ALMS1: variants seen among roughly 807,000 people sequenced by gnomAD.
ALMS1 encodes ALMS1 centrosome and basal body associated protein.
A neutral mutation model predicts 352.2 loss-of-function variants in ALMS1; 271 were observed. The ratio of observed to expected loss-of-function variants is 0.77; its 90% CI spans 0.70 to 0.85. ALMS1 has a LOEUF of 0.85. Among genes scored for constraint, ALMS1 ranks in the 40% least tolerant of loss-of-function variants. ALMS1 has a pLI of 0.00. For missense variants in ALMS1, 5,445 were observed against 4,870.7 expected (o/e 1.12, Z -3.51); for synonymous variants, 1,865 against 1,761.2 (o/e 1.06, Z -1.48).
Position 73,601,261 on chromosome 2 carries a change from C to G in ALMS1, c.11939C>G (p.Thr3980Ser), listed in dbSNP as rs200568988. Residue 3980 changes from threonine (T) to serine (S), a missense_variant, in exon 19 of 23, where the codon ACT (threonine) becomes AGT (serine). Physicochemically the swap from Thr to Ser is moderately conservative, Grantham distance 58. Transcript: ENST00000613296. ...TCAAAGAAGGAAAACGTGCCTAACA[C>G]TTGTGGCCCTGGCATCTCCTGGTTT... The part of the protein sequence containing the change: ...SRSKKENVPN[T>S]CGPGISWFEP... 6.2e-7 allele frequency: 1 copy of G among 1,614,112 alleles called. No homozygotes were observed. The highest frequency in any genetic ancestry group is 1.3e-5 in the African/African-American group (1 of 74,932).
chr2:73,585,401 T>G (rs917027865), intron 16 of ALMS1, among the ~76,000 whole-genome samples: 6 of 150,038 alleles, frequency 4.0e-5, no homozygotes, highest in African/African-American at 9.8e-5. Flanking sequence ...GCTTTTTTTT[T>G]TTTTTTTTTT....
At chr2:73,564,750 C>T (rs1271588927) in intron 15 of ALMS1, among the ~76,000 whole-genome samples, 1 of 152,044 alleles carries the variant, frequency 6.6e-6, no homozygotes, top group African/African-American at 2.4e-5. Flanking sequence ...AAGTAGGCCT[C>T]CAGTGGGCTA....
At chr2:73,435,689 T>C (rs1250459586) in intron 7 of ALMS1, among the ~76,000 whole-genome samples, 1 of 152,032 alleles carries the variant, frequency 6.6e-6, no homozygotes, top group Non-Finnish European at 1.5e-5. Flanking sequence ...TAACCTGAGC[T>C]CAAGTGATCC....
intron 15 of ALMS1, among the ~76,000 whole-genome samples, chr2:73,566,115 TGTC>T (rs924204908): frequency 6.6e-6 from 1 of 152,192 alleles, no homozygotes; most frequent in Non-Finnish European, 1.5e-5. Flanking sequence ...TCTGTACTGT[TGTC>T]ACCGTTTTTC....
intron 5 of ALMS1, among the ~76,000 whole-genome samples, chr2:73,425,898 T>C (rs532800218): frequency 4.6e-5 from 7 of 152,360 alleles, no homozygotes; most frequent in African/African-American, 1.7e-4. Context: ...AAATGTTCAT[T>C]AAGCCACTTT....
At position 73,519,760 on chromosome 2, in the gene ALMS1, C is replaced by G. The variant is rs780375594; in HGVS notation, c.9540-15C>G. 2 of 1,613,754 alleles carry G rather than the reference C, an allele frequency of 1.2e-6. No individual in the cohort carries two copies. Among genetic ancestry groups the G allele is most frequent in the Admixed American group, 1.7e-5 (1 of 59,972 alleles). On this transcript the variant is annotated splice_polypyrimidine_tract_variant and intron_variant, in intron 10 of 22. Coordinates refer to ENST00000613296, the MANE Select transcript of ALMS1 (RefSeq NM_001378454.1). ...AAGGATATAATCTGCTGTATTCTTT[C>G]TCTTTTTTGGTCAGATTACCAGAGA... is the stretch of plus-strand genomic sequence containing the variant.
Position 73,450,947 on chromosome 2 carries a change from C to T in ALMS1, c.4420C>T (p.Pro1474Ser). ...QTIGTPTVTS[P>S]SSSFGEKPIV... Reference sequence around the variant, plus strand: ...GATTGGCACACCAACTGTAACCTCCCCTTCCAGCTCATTTGGAGAGAAGCC... The same window carrying T: ...GATTGGCACACCAACTGTAACCTCCTCTTCCAGCTCATTTGGAGAGAAGCC... Residue 1474 changes from proline (P) to serine (S), a missense_variant, in exon 8 of 23, where the codon CCT (proline) becomes TCT (serine). Coordinates refer to ENST00000613296, the MANE Select transcript of ALMS1 (RefSeq NM_001378454.1). 5.0e-6 allele frequency: 8 copies of T among 1,613,460 alleles called. No individual in the cohort carries two copies. Among genetic ancestry groups the T allele is most frequent in the Non-Finnish European group, 6.8e-6 (8 of 1,179,794 alleles).
intron 1 of ALMS1, among the ~76,000 whole-genome samples, chr2:73,396,258 T>A (rs1281139925): frequency 6.6e-6 from 1 of 152,000 alleles, no homozygotes; most frequent in Non-Finnish European, 1.5e-5. Flanking sequence ...AATAACTCAC[T>A]TTGTCACAGT....
chr2:73,393,107 C>T (rs757949350), intron 1 of ALMS1, among the ~76,000 whole-genome samples: 2 of 152,136 alleles, frequency 1.3e-5, no homozygotes, highest in Non-Finnish European at 1.5e-5. Context: ...CTATTCAGGT[C>T]AAACTTTTGC....
chr2:73,409,342 G>A (rs956311968), intron 2 of ALMS1, among the ~76,000 whole-genome samples: 3 of 151,904 alleles, frequency 2.0e-5, no homozygotes, highest in African/African-American at 7.3e-5. Flanking sequence ...CTCATTCCTG[G>A]CCTTAAGTGA....
At chr2:73,511,599 A>T (rs534712815) in intron 10 of ALMS1, among the ~76,000 whole-genome samples, 1 of 152,106 alleles carries the variant, frequency 6.6e-6, no homozygotes, top group South Asian at 2.1e-4. Context: ...TGCAGACTGG[A>T]GCTGTTCTAT....
At chr2:73,520,057 C>G in intron 11 of ALMS1, 41 bp downstream of exon 11, 2 of 1,613,064 alleles carry the variant, frequency 1.2e-6, no homozygotes, top group Non-Finnish European at 1.7e-6. Flanking sequence ...TAGACCAGCT[C>G]TTTTGTGTAG....
intron 10 of ALMS1, among the ~76,000 whole-genome samples, chr2:73,497,474 C>G (rs542578941): frequency 3.0e-4 from 45 of 152,108 alleles, no homozygotes; most frequent in Non-Finnish European, 5.7e-4. Flanking sequence ...AGATATATTG[C>G]AGGTTCAGTT....
At chr2:73,486,879 G>T (rs1672859813) in intron 9 of ALMS1, among the ~76,000 whole-genome samples, 1 of 152,028 alleles carries the variant, frequency 6.6e-6, no homozygotes, top group Non-Finnish European at 1.5e-5. Context: ...GTGAGACCCA[G>T]TCTCTACAAA....
intron 16 of ALMS1, among the ~76,000 whole-genome samples, chr2:73,599,079 A>G (rs1364233626): frequency 6.6e-6 from 1 of 152,192 alleles, no homozygotes; most frequent in African/African-American, 2.4e-5. Context: ...AATTATGTGC[A>G]GGTGTCACTT....
chr2:73,439,504 T>A (rs1252970810), intron 7 of ALMS1, among the ~76,000 whole-genome samples: 1 of 152,088 alleles, frequency 6.6e-6, no homozygotes, highest in Non-Finnish European at 1.5e-5. Context: ...TTGGGTCATT[T>A]AAAAAAAATC....
chr2:73,450,581 C>A lies in ALMS1; in HGVS notation c.4054C>A (p.His1352Asn). The change falls in exon 8 of 23, where the codon CAT becomes AAT. Residue 1352 changes from histidine to asparagine, a missense_variant. By Grantham distance (68) the His-to-Asn change is moderately conservative. Coordinates refer to ENST00000613296, the MANE Select transcript of ALMS1 (RefSeq NM_001378454.1). Reference protein sequence around the residue: ...VFYQQVLPHSHPTEEALKISV... With the variant: ...VFYQQVLPHSNPTEEALKISV... Reference sequence around the variant, plus strand: ...CTACCAACAGGTCTTGCCACATAGTCATCCAACTGAAGAGGCTCTGAAAAT... The same window carrying A: ...CTACCAACAGGTCTTGCCACATAGTAATCCAACTGAAGAGGCTCTGAAAAT... 1 of 1,612,500 alleles carries A rather than the reference C, an allele frequency of 6.2e-7. No individual in the cohort carries two copies.
intron 9 of ALMS1, among the ~76,000 whole-genome samples, chr2:73,471,222 T>C (rs1372510033): frequency 6.7e-6 from 1 of 149,272 alleles, no homozygotes; most frequent in African/African-American, 2.5e-5. Flanking sequence ...CTTTGATCCT[T>C]CCTTTTTTTT....
intron 6 of ALMS1, among the ~76,000 whole-genome samples, chr2:73,428,337 C>T (rs1671420871): frequency 6.6e-6 from 1 of 152,120 alleles, no homozygotes; most frequent in East Asian, 1.9e-4. Context: ...CTAACCATAT[C>T]TGTGTACTTA....
Sources: allele counts gnomAD v4.1 joint callset (sites outside exome capture counted in the v4.1 genomes callset), GRCh38; gene constraint gnomAD v4.1.1; transcripts MANE v1.5; gene names NCBI Gene and HGNC (gene_info 2026-07-23, HGNC 2026-07-21).